The following NEK1 variants were observed in gnomAD, a reference collection of about 807,000 sequenced individuals.
NEK1 encodes NIMA related kinase 1, also known as serine/threonine-protein kinase Nek1.
A neutral mutation model predicts 182.1 loss-of-function variants in NEK1; 137 were observed. That is an observed-to-expected ratio of 0.75 (90% confidence interval 0.65 to 0.87). The LOEUF (loss-of-function observed/expected upper bound fraction) is 0.87, where lower values mean the gene tolerates loss of function less well. Among genes scored for constraint, NEK1 ranks in the 40% least tolerant of loss-of-function variants. NEK1 has a pLI of 0.00. For missense variants in NEK1, 1,391 were observed against 1,494.4 expected, an observed-to-expected ratio of 0.93 and a Z score of 1.14; for synonymous variants, 513 against 492.2, an observed-to-expected ratio of 1.04 and a Z score of -0.56.
intron 23 of NEK1, among the ~76,000 whole-genome samples, chr4:169,503,348 TA>T (rs1489050286): frequency 2.0e-5 from 3 of 151,948 alleles, no homozygotes; most frequent in East Asian, 3.8e-4. Context: ...TTACCAATGT[TA>T]TTTTTTTGTA....
At chr4:169,589,542 C>T (rs1210118010) in intron 6 of NEK1, 28 bp from the exon 7 acceptor site, 1 of 1,311,786 alleles carries the variant, frequency 7.6e-7, no homozygotes, top group South Asian at 1.4e-5. Flanking sequence ...AAAAAAAACC[C>T]TAGAAATATT....
chr4:169,478,114 T>TA (rs1156365922), intron 24 of NEK1, among the ~76,000 whole-genome samples: 5 of 151,886 alleles, frequency 3.3e-5, no homozygotes, highest in Non-Finnish European at 2.9e-5. Context: ...TATCTAAAAT[T>TA]AAAAAACATA....
intron 27 of NEK1, among the ~76,000 whole-genome samples, chr4:169,456,146 T>C (rs931122193): frequency 6.6e-6 from 1 of 152,010 alleles, no homozygotes; most frequent in East Asian, 1.9e-4. Context: ...AAGAAGGAAA[T>C]TGAAAAAAAT....
intron 23 of NEK1, among the ~76,000 whole-genome samples, chr4:169,492,468 C>T (rs1437275746): frequency 2.0e-5 from 3 of 151,896 alleles, no homozygotes; most frequent in African/African-American, 4.8e-5. Context: ...TCCCCTCACC[C>T]CTCTGACAAC....
At chr4:169,537,963 A>C in intron 18 of NEK1, 52 bp from the exon 19 acceptor site, 2 of 1,305,250 alleles carry the variant, frequency 1.5e-6, no homozygotes, top group South Asian at 3.1e-5. Context: ...AATATTCTAA[A>C]AAGTTAAAAA....
At chr4:169,449,871 A>C (rs1394336575) in intron 27 of NEK1, among the ~76,000 whole-genome samples, 2 of 152,242 alleles carry the variant, frequency 1.3e-5, no homozygotes, top group Non-Finnish European at 2.9e-5. Context: ...CGGTAATAAC[A>C]AACTTCTCCT....
At chr4:169,525,507 C>A (rs574441377) in intron 19 of NEK1, among the ~76,000 whole-genome samples, 1 of 151,714 alleles carries the variant, frequency 6.6e-6, no homozygotes, top group African/African-American at 2.4e-5. Flanking sequence ...ATAAACTTAG[C>A]GTTGAAGAAC....
rs558803145 is a variant in NEK1, at chr4:169,452,521, A to G, written c.2587+10722T>C. ...AGTCTGGTTCAACGTACACAAATCA[A>G]TAAACGTAATCCATCACATAAACAG... is the stretch of plus-strand genomic sequence containing the variant. On this transcript the variant is annotated intron_variant, in intron 27 of 35. Transcript: ENST00000507142. 2.0e-5 allele frequency among the ~76,000 whole-genome samples: 3 copies of G among 152,340 alleles called. No homozygotes were observed. In the East Asian group the frequency reaches 5.8e-4, roughly 29 times the overall value.
intron 31 of NEK1, among the ~76,000 whole-genome samples, chr4:169,423,797 G>A (rs1195250082): frequency 6.6e-6 from 1 of 152,072 alleles, no homozygotes; most frequent in African/African-American, 2.4e-5. Flanking sequence ...AAAAAGATTT[G>A]TAAAAAGATT....
intron 27 of NEK1, among the ~76,000 whole-genome samples, chr4:169,454,017 A>G (rs1742358453): frequency 6.6e-6 from 1 of 152,236 alleles, no homozygotes; most frequent in Non-Finnish European, 1.5e-5. Flanking sequence ...GGCTTCAGAA[A>G]TAATGCCACA....
chr4:169,610,016 CTTTTTTT>C (rs538596187), intron 2 of NEK1, among the ~76,000 whole-genome samples: 5 of 135,320 alleles, frequency 3.7e-5, no homozygotes, highest in Non-Finnish European at 8.0e-5. Context: ...CTAAGAATTT[CTTTTTTT>C]TTTTTTTTTT....
intron 18 of NEK1, among the ~76,000 whole-genome samples, chr4:169,546,261 C>T (rs1760425028): frequency 6.6e-6 from 1 of 152,100 alleles, no homozygotes; most frequent in Admixed American, 6.5e-5. Flanking sequence ...CATTCAGGAG[C>T]AGGTTGTTCA....
intron 27 of NEK1, among the ~76,000 whole-genome samples, chr4:169,461,959 C>T (rs912389651): frequency 2.0e-5 from 3 of 151,928 alleles, no homozygotes; most frequent in African/African-American, 7.3e-5. Context: ...TTCTCAGTTC[C>T]AATTCTGTGC....
intron 19 of NEK1, among the ~76,000 whole-genome samples, chr4:169,530,863 G>A (rs1757570660): frequency 1.3e-5 from 2 of 149,852 alleles, no homozygotes; most frequent in African/African-American, 2.5e-5. Context: ...ATGATCATTT[G>A]AAAATAAAAT....
At chr4:169,514,701 C>A (rs1754817543) in intron 19 of NEK1, among the ~76,000 whole-genome samples, 1 of 152,036 alleles carries the variant, frequency 6.6e-6, no homozygotes, top group Non-Finnish European at 1.5e-5. Flanking sequence ...TATAATTATA[C>A]CCATTTTTTT....
At chr4:169,581,334 A>G (rs1766619221) in intron 10 of NEK1, among the ~76,000 whole-genome samples, 1 of 152,008 alleles carries the variant, frequency 6.6e-6, no homozygotes, top group African/African-American at 2.4e-5. Flanking sequence ...GTGAGACAAC[A>G]ATGGCTCACT....
chr4:169,494,970 A>G (rs1366639549), intron 23 of NEK1, among the ~76,000 whole-genome samples: 1 of 152,022 alleles, frequency 6.6e-6, no homozygotes, highest in African/African-American at 2.4e-5. Flanking sequence ...ATTTGAGTTC[A>G]TTGTAGATTC....
At chr4:169,439,778 C>G (rs1358806780) in intron 27 of NEK1, among the ~76,000 whole-genome samples, 1 of 150,500 alleles carries the variant, frequency 6.6e-6, no homozygotes, top group Admixed American at 6.6e-5. Flanking sequence ...GTACAGCGTC[C>G]AGATATAAAA....
chr4:169,438,049 C>A, intron 28 of NEK1, 34 bp downstream of exon 28: 1 of 1,525,056 alleles, frequency 6.6e-7, no homozygotes, highest in South Asian at 1.3e-5. Context: ...TTTACTAAAT[C>A]AAATATAGCT....
Sources: allele counts gnomAD v4.1 joint callset (sites outside exome capture counted in the v4.1 genomes callset), GRCh38; gene constraint gnomAD v4.1.1; transcripts MANE v1.5; gene names NCBI Gene and HGNC (gene_info 2026-07-23, HGNC 2026-07-21).